The following GSE1 variants were observed in gnomAD, a reference collection of about 807,000 sequenced individuals.
GSE1 encodes genetic suppressor element 1.
A neutral mutation model predicts 112.6 loss-of-function variants in GSE1; 32 were observed. The observed-to-expected ratio is 0.28, with a 90% confidence interval of 0.21 to 0.38. GSE1 has a LOEUF of 0.38. Among genes scored for constraint, GSE1 ranks in the 10% least tolerant of loss-of-function variants. The pLI is 1.00. For missense variants in GSE1, 2,348 were observed against 1,699.2 expected (o/e 1.38, Z -6.71); for synonymous variants, 1,115 against 735.6 (o/e 1.52, Z -8.35).
intron 2 of GSE1, among the ~76,000 whole-genome samples, chr16:85,433,833 G>A (rs1252969457): frequency 1.3e-5 from 2 of 151,722 alleles, no homozygotes; most frequent in Non-Finnish European, 2.9e-5. Context: ...TGAATGGATG[G>A]TGGATAGATG....
chr16:85,427,550 G>C lies in GSE1; in HGVS notation c.2464+69907G>C, dbSNP rs113460253. On this transcript the variant is annotated intron_variant, in intron 2 of 2. Coordinates refer to the GSE1 transcript ENST00000637419. ...CCAGCTACTCGGGAGCCTGAGGCAG[G>C]AGAATCGCTTGAACTCGGGAGGTGG... 8.0e-3 allele frequency among the ~76,000 whole-genome samples: 1,215 copies of C among 152,346 alleles called. 14 individuals are homozygous for C. Among genetic ancestry groups the C allele is most frequent in the African/African-American group, 0.028 (1,152 of 41,582 alleles).
At chr16:85,259,389 C>A (rs1448361514) in intron 1 of GSE1, among the ~76,000 whole-genome samples, 1 of 152,178 alleles carries the variant, frequency 6.6e-6, no homozygotes, top group Non-Finnish European at 1.5e-5. Context: ...GCTCCAGGCA[C>A]CTGAAGACTT....
At chr16:85,663,178 C>G (rs1406313766) in intron 10 of GSE1, 85 bp downstream of exon 10, 6 of 1,246,190 alleles carry the variant, frequency 4.8e-6, no homozygotes, top group Admixed American at 3.5e-5. Flanking sequence ...CCCACTGTTG[C>G]TAGGTTCCTC....
intron 1 of GSE1, among the ~76,000 whole-genome samples, chr16:85,212,367 C>G (rs2075240719): frequency 6.6e-6 from 1 of 152,236 alleles, no homozygotes; most frequent in East Asian, 1.9e-4. Context: ...GATTGCGCCA[C>G]TGCACTCCAA....
intron 1 of GSE1, among the ~76,000 whole-genome samples, chr16:85,291,722 A>T (rs540054227): frequency 1.3e-5 from 2 of 152,116 alleles, no homozygotes; most frequent in Non-Finnish European, 2.9e-5. Context: ...TGTGGGGGTT[A>T]GGGGTGAAGG....
chr16:85,393,985 G>A (rs556132276), intron 2 of GSE1, among the ~76,000 whole-genome samples: 138 of 152,098 alleles, frequency 9.1e-4, no homozygotes, highest in Non-Finnish European at 1.4e-3. Flanking sequence ...GGTGGAGCGC[G>A]CCCCTCTTCT....
At chr16:85,209,118 G>A (rs73260378) in intron 1 of GSE1, among the ~76,000 whole-genome samples, 2,945 of 152,260 alleles carry the variant, frequency 0.019, 99 homozygotes, top group African/African-American at 0.064. Flanking sequence ...TTCGCTGTGT[G>A]TTGGGGTTTG....
chr16:85,418,212 T>G (rs907254084), intron 2 of GSE1, among the ~76,000 whole-genome samples: 1 of 152,082 alleles, frequency 6.6e-6, no homozygotes, highest in Non-Finnish European at 1.5e-5. Context: ...CGGAGGCAGG[T>G]TGGGGAAATG....
intron 1 of GSE1, 43 bp downstream of exon 1, chr16:85,613,441 C>T (rs1426740090): frequency 8.0e-6 from 12 of 1,507,580 alleles, no homozygotes; most frequent in Admixed American, 2.0e-5. Flanking sequence ...CCTCCCCCCT[C>T]CCCCCACCGC....
intron 2 of GSE1, among the ~76,000 whole-genome samples, chr16:85,402,908 C>A (rs2057428729): frequency 1.4e-5 from 2 of 145,894 alleles, no homozygotes. Context: ...AGTGAAAGAC[C>A]CTGACTCAAA....
rs996534204 is a variant in GSE1, at chr16:85,382,396, G to A, written c.2464+24753G>A. Reference sequence around the variant, plus strand: ...CTAATCAGGTCCATAGGCCCTGGACGAGGGCTCCTCTGTTTCAGAGGCCAC... The same window carrying A: ...CTAATCAGGTCCATAGGCCCTGGACAAGGGCTCCTCTGTTTCAGAGGCCAC... On this transcript the variant is annotated intron_variant, in intron 2 of 2. Coordinates refer to the GSE1 transcript ENST00000637419. 3.3e-5 allele frequency among the ~76,000 whole-genome samples: 5 copies of A among 152,324 alleles called. No individual in the cohort carries two copies. The South Asian group carries it at 8.3e-4, about 25-fold the overall frequency.
intron 1 of GSE1, among the ~76,000 whole-genome samples, chr16:85,280,209 G>T (rs1198246168): frequency 6.6e-6 from 1 of 152,158 alleles, no homozygotes; most frequent in African/African-American, 2.4e-5. Context: ...TGGCCCAGGA[G>T]TCGGAGGTTT....
At chr16:85,652,909 C>T (rs1029012572) in intron 3 of GSE1, among the ~76,000 whole-genome samples, 14 of 151,944 alleles carry the variant, frequency 9.2e-5, no homozygotes, top group Non-Finnish European at 1.8e-4. Context: ...TTCAGGAGCA[C>T]TGCCCGCTGA....
At position 85,672,688 on chromosome 16, in the gene GSE1, AAATG is replaced by A. The variant is rs765458627; in HGVS notation, c.*156_*159del. The A allele has an allele frequency of 4.3e-4, 219 of 509,062 alleles. 1 individual carries two copies. The highest frequency in any genetic ancestry group is 2.7e-4 in the African/African-American group (14 of 52,072). The allele number at this position is 509,062 out of a possible 1,614,324, so 31.5% of individuals were successfully genotyped here. ...AGCAAAGGATTCCAGGCTCCAGAAA[AAATG>A]AATGAACTCACCTTGACGTCAATGC... On this transcript the variant is annotated 3_prime_UTR_variant, in exon 16 of 16. Transcript: ENST00000253458.
rs936527974 is a variant in GSE1, at chr16:85,235,261, G to C, written c.2283+63454G>C. Among the ~76,000 whole-genome samples, 4 of 152,042 alleles carry C rather than the reference G, an allele frequency of 2.6e-5. No homozygotes were observed. In the East Asian group the frequency reaches 7.8e-4, roughly 30 times the overall value. On this transcript the variant is annotated intron_variant, in intron 1 of 2. Coordinates refer to the GSE1 transcript ENST00000637419. ...AGCTCCCAACCCCCCGGCCGCCTCT[G>C]GCTGCCAGGCGGGGGTGGGCTGGCC...
intron 1 of GSE1, among the ~76,000 whole-genome samples, chr16:85,309,642 G>A (rs1468045487): frequency 2.0e-5 from 3 of 152,238 alleles, no homozygotes; most frequent in Non-Finnish European, 4.4e-5. Flanking sequence ...CTTCCACAGT[G>A]CCAGGACCTG....
intron 2 of GSE1, among the ~76,000 whole-genome samples, chr16:85,438,052 G>C (rs1597754435): frequency 6.6e-6 from 1 of 152,146 alleles, no homozygotes; most frequent in African/African-American, 2.4e-5. Flanking sequence ...AGGCTCATCT[G>C]GGGGAGGCGG....
intron 15 of GSE1, 180 bp from the exon 16 acceptor site, chr16:85,672,222 TGAC>T: frequency 3.3e-6 from 2 of 597,514 alleles, no homozygotes; most frequent in Non-Finnish European, 6.2e-6. Flanking sequence ...CTCGAACTCC[TGAC>T]GACAGGTGAT....
At chr16:85,638,736 C>T (rs962945238) in intron 2 of GSE1, among the ~76,000 whole-genome samples, 1 of 150,398 alleles carries the variant, frequency 6.6e-6, no homozygotes, top group African/African-American at 2.5e-5. Flanking sequence ...CTACGTGCCT[C>T]CCCTACCCCT....
Sources: allele counts gnomAD v4.1 joint callset (sites outside exome capture counted in the v4.1 genomes callset), GRCh38; gene constraint gnomAD v4.1.1; transcripts MANE v1.5; gene names NCBI Gene and HGNC (gene_info 2026-07-23, HGNC 2026-07-21).